Variants in RASGRF2 observed in about 807,000 individuals in gnomAD.
RASGRF2 encodes the protein ras-specific guanine nucleotide-releasing factor 2.
RASGRF2 carries 76 observed loss-of-function variants against 151.0 expected under a neutral mutation model. The ratio of observed to expected loss-of-function variants is 0.50; its 90% CI spans 0.42 to 0.61. The LOEUF is 0.61. Among genes scored for constraint, RASGRF2 ranks in the 20% least tolerant of loss-of-function variants. RASGRF2 has a pLI of 0.00. For synonymous variants in RASGRF2, 504 were observed against 566.5 expected (o/e 0.89, Z 1.57); for missense variants, 1,148 against 1,564.6 (o/e 0.73, Z 4.49).
rs77805503 is a variant in RASGRF2, at chr5:81,135,988, A to G, written c.2686+8825A>G. ...ACTGTGAGTTATTTTACTTATCCATATCCTATAATCATCCAATACATTGTT... is the reference window on the plus strand; with the variant it reads ...ACTGTGAGTTATTTTACTTATCCATGTCCTATAATCATCCAATACATTGTT... On this transcript the variant is annotated intron_variant, in intron 17 of 26. Coordinates refer to ENST00000265080, the MANE Select transcript of RASGRF2 (RefSeq NM_006909.3). 8.8e-3 allele frequency among the ~76,000 whole-genome samples: 1,341 copies of G among 152,202 alleles called. 46 individuals carry two copies. Among genetic ancestry groups the G allele is most frequent in the East Asian group, 0.085 (441 of 5,174 alleles).
In RASGRF2 at chr5:81,049,917, C is replaced by A. The variant is rs562301106; in HGVS notation, c.395+6934C>A. 2.0e-5 allele frequency among the ~76,000 whole-genome samples: 3 copies of A among 152,276 alleles called. No individual in the cohort carries two copies. In the South Asian group the frequency reaches 6.2e-4, roughly 32 times the overall value. ...CTATATTGAACTATCTATATATCAT[C>A]TCTCCCTGGGTGCTCAGAATTACTT... On this transcript the variant is annotated intron_variant, in intron 2 of 26. Transcript: ENST00000265080.
intron 18 of RASGRF2, among the ~76,000 whole-genome samples, chr5:81,195,999 G>GT (rs1232798063): frequency 6.6e-6 from 1 of 152,220 alleles, no homozygotes; most frequent in Non-Finnish European, 1.5e-5. Context: ...TGGCTCACGC[G>GT]TGTAACTGCA....
intron 1 of RASGRF2, among the ~76,000 whole-genome samples, chr5:81,009,805 A>G (rs758888649): frequency 1.3e-5 from 2 of 152,356 alleles, no homozygotes; most frequent in Non-Finnish European, 2.9e-5. Context: ...CCTGAAAACT[A>G]TGCTGGAATA....
intron 17 of RASGRF2, among the ~76,000 whole-genome samples, chr5:81,139,804 A>G (rs1467146610): frequency 6.6e-6 from 1 of 151,950 alleles, no homozygotes; most frequent in Non-Finnish European, 1.5e-5. Context: ...CTTTCCGTAC[A>G]CATCCCATTG....
At chr5:81,173,251 G>T (rs1228972137) in intron 17 of RASGRF2, among the ~76,000 whole-genome samples, 1 of 152,082 alleles carries the variant, frequency 6.6e-6, no homozygotes, top group East Asian at 1.9e-4. Flanking sequence ...GATGGTGGGT[G>T]CCCGTAATCC....
chr5:80,990,663 G>A (rs1748621408), intron 1 of RASGRF2, among the ~76,000 whole-genome samples: 1 of 152,124 alleles, frequency 6.6e-6, no homozygotes, highest in Non-Finnish European at 1.5e-5. Context: ...TTGTCCTTTT[G>A]TACTTCCAGG....
intron 18 of RASGRF2, among the ~76,000 whole-genome samples, chr5:81,188,814 G>T (rs1755091892): frequency 6.6e-6 from 1 of 152,170 alleles, no homozygotes; most frequent in Non-Finnish European, 1.5e-5. Context: ...GCAGGTTTCA[G>T]TCCCCGCCGT....
intron 18 of RASGRF2, among the ~76,000 whole-genome samples, chr5:81,180,563 G>A (rs1754891448): frequency 6.6e-6 from 1 of 152,146 alleles, no homozygotes; most frequent in East Asian, 1.9e-4. Flanking sequence ...ATGGGCACCT[G>A]AGCCACAACA....
intron 11 of RASGRF2, 88 bp from the exon 12 acceptor site, chr5:81,094,768 G>C: frequency 7.2e-7 from 1 of 1,396,390 alleles, no homozygotes; most frequent in Non-Finnish European, 9.9e-7. Context: ...AGTGCAAATG[G>C]ATTGTATAAA....
At chr5:81,062,150 C>A (rs1462226316) in intron 2 of RASGRF2, among the ~76,000 whole-genome samples, 1 of 152,074 alleles carries the variant, frequency 6.6e-6, no homozygotes, top group Non-Finnish European at 1.5e-5. Flanking sequence ...CAAGAAGGAC[C>A]CTTTTTCATG....
chr5:81,201,380 A>G lies in RASGRF2; in HGVS notation c.2844A>G (p.Glu948=), dbSNP rs761278681. The G allele has an allele frequency of 6.2e-7, 1 of 1,614,050 alleles. No homozygotes were observed. The highest frequency in any genetic ancestry group is 8.5e-7 in the Non-Finnish European group (1 of 1,179,982). ...AGATGAATGTCCTAAATTTGCTAGA[A>G]GAAGTTTTGCGAGACCCAGACCTTC... ...ELKMNVLNLL[E]EVLRDPDLLP... Residue 948 remains glutamate, a synonymous_variant, in exon 19 of 27, where the codon GAA becomes GAG. Transcript: ENST00000265080.
At chr5:81,109,164 T>C in intron 13 of RASGRF2, 86 bp downstream of exon 13, 4 of 1,493,388 alleles carry the variant, frequency 2.7e-6, no homozygotes, top group Non-Finnish European at 3.6e-6. Context: ...ACTGTGTCAA[T>C]AGAATTCTGC....
intron 15 of RASGRF2, among the ~76,000 whole-genome samples, chr5:81,120,020 G>C (rs1043867626): frequency 6.6e-6 from 1 of 152,104 alleles, no homozygotes; most frequent in African/African-American, 2.4e-5. Flanking sequence ...GAAGCCCGTA[G>C]AGCCAACCTT....
At chr5:81,055,666 C>T (rs906516962) in intron 2 of RASGRF2, among the ~76,000 whole-genome samples, 4 of 152,072 alleles carry the variant, frequency 2.6e-5, no homozygotes, top group African/African-American at 9.7e-5. Flanking sequence ...GGGAGGATTC[C>T]CTCTTTTTCT....
At chr5:81,000,128 T>A (rs1263641974) in intron 1 of RASGRF2, among the ~76,000 whole-genome samples, 1 of 152,216 alleles carries the variant, frequency 6.6e-6, no homozygotes, top group African/African-American at 2.4e-5. Flanking sequence ...TTCTGGTACC[T>A]GGGCTGGGGT....
intron 9 of RASGRF2, chr5:81,087,450 G>T: frequency 1.6e-6 from 1 of 640,156 alleles, no homozygotes; most frequent in Non-Finnish European, 2.9e-6. Flanking sequence ...GGTAACTCCC[G>T]TTGCCAGATG....
At chr5:80,967,102 T>G (rs1747746761) in intron 1 of RASGRF2, among the ~76,000 whole-genome samples, 1 of 152,138 alleles carries the variant, frequency 6.6e-6, no homozygotes, top group African/African-American at 2.4e-5. Context: ...AAAATAAAAT[T>G]TGTTGGCCGG....
intron 26 of RASGRF2, chr5:81,223,174 T>C (rs1478583574): frequency 1.3e-5 from 2 of 152,220 alleles, no homozygotes; most frequent in Admixed American, 1.3e-4. Context: ...TATAAATTCA[T>C]TGAAATCCTG....
At chr5:81,024,823 T>A (rs151142543) in intron 1 of RASGRF2, among the ~76,000 whole-genome samples, 1 of 152,298 alleles carries the variant, frequency 6.6e-6, no homozygotes, top group African/African-American at 2.4e-5. Flanking sequence ...TTCCAGACAG[T>A]CTCAGTTTGG....
Sources: gnomAD v4.1 joint callset for allele counts (sites outside exome capture counted in the v4.1 genomes callset) on GRCh38, gnomAD v4.1.1 for gene constraint, MANE v1.5 for transcripts, NCBI Gene and HGNC (gene_info 2026-07-23, HGNC 2026-07-21) for gene names.